TMEM132D: variants seen among roughly 807,000 people sequenced by gnomAD.
The protein encoded by TMEM132D is mature OL transmembrane protein.
In TMEM132D, 21 loss-of-function variants were observed where a neutral mutation model predicts 62.3. The observed-to-expected ratio is 0.34, with a 90% CI of 0.24 to 0.49. The LOEUF (loss-of-function observed/expected upper bound fraction) is 0.49. Ranked by LOEUF, TMEM132D falls within the 20% of genes least tolerant of loss-of-function variation. The probability of loss-of-function intolerance (pLI) is 0.99; values close to 1 mark genes in which losing one functional copy is unlikely to be tolerated. For missense variants in TMEM132D, 1,346 were observed against 1,402.8 expected (o/e 0.96, Z 0.65); for synonymous variants, 621 against 575.6 (o/e 1.08, Z -1.13).
intron 1 of TMEM132D, among the ~76,000 whole-genome samples, chr12:129,704,420 G>T (rs1881454670): frequency 6.6e-6 from 1 of 152,186 alleles, no homozygotes; most frequent in Non-Finnish European, 1.5e-5. Flanking sequence ...CAAGCATAGG[G>T]GGCGCCGCGC....
chr12:129,557,141 ACTT>A (rs1458481913), intron 2 of TMEM132D, among the ~76,000 whole-genome samples: 1 of 152,186 alleles, frequency 6.6e-6, no homozygotes, highest in Non-Finnish European at 1.5e-5. Context: ...ATAGCGGTTT[ACTT>A]TTTTTAGCTT....
At chr12:129,348,527 G>A (rs1368022717) in intron 3 of TMEM132D, among the ~76,000 whole-genome samples, 1 of 152,120 alleles carries the variant, frequency 6.6e-6, no homozygotes, top group Non-Finnish European at 1.5e-5. Context: ...GACACAGGGA[G>A]GGGAACATCA....
chr12:129,274,204 A>G (rs551319207), intron 4 of TMEM132D, among the ~76,000 whole-genome samples: 3 of 152,000 alleles, frequency 2.0e-5, no homozygotes, highest in South Asian at 4.1e-4. Flanking sequence ...TCTCCATCCA[A>G]CAAGGGCAGT....
At chr12:129,150,738 G>A (rs11610314) in intron 5 of TMEM132D, among the ~76,000 whole-genome samples, 44,679 of 152,146 alleles carry the variant, frequency 0.29, 6,923 homozygotes, top group Middle Eastern at 0.38. Context: ...GGCAGGCTAC[G>A]CCTTCAGCCA....
chr12:129,632,862 T>C (rs1879382835), intron 2 of TMEM132D, among the ~76,000 whole-genome samples: 1 of 152,222 alleles, frequency 6.6e-6, no homozygotes, highest in Non-Finnish European at 1.5e-5. Flanking sequence ...GGGTGCCACT[T>C]TGTGACACTT....
At chr12:129,215,641 G>A (rs1271701966) in intron 4 of TMEM132D, among the ~76,000 whole-genome samples, 2 of 152,106 alleles carry the variant, frequency 1.3e-5, no homozygotes, top group Non-Finnish European at 2.9e-5. Flanking sequence ...AAAGACACGT[G>A]GTTTCAGTGT....
intron 2 of TMEM132D, among the ~76,000 whole-genome samples, chr12:129,664,540 T>A (rs1359388324): frequency 6.7e-6 from 1 of 149,570 alleles, no homozygotes; most frequent in East Asian, 2.0e-4. Context: ...TTCTCCTGCC[T>A]CAGCCTCCCA....
At position 129,867,673 on chromosome 12, in the gene TMEM132D, G is replaced by A. The variant is rs1472234693; in HGVS notation, c.79+35588C>T. ...AGGGATAATGTGAACTAGCTTGACC[G>A]TGGTGACAATTTCACAATGTATACA... On this transcript the variant is annotated intron_variant, in intron 1 of 8. Transcript: ENST00000422113. The surrounding 1 kb of genome is among the most constrained non-coding windows in gnomAD (Gnocchi z 4.5). 5.3e-5 allele frequency among the ~76,000 whole-genome samples: 8 copies of A among 152,192 alleles called. No homozygotes were observed. Among genetic ancestry groups the A allele is most frequent in the Non-Finnish European group, 1.0e-4 (7 of 68,040 alleles).
chr12:129,415,072 G>A lies in TMEM132D; in HGVS notation c.1116-77255C>T, dbSNP rs565043553. Among the ~76,000 whole-genome samples, 8 of 152,276 alleles carry A rather than the reference G, an allele frequency of 5.3e-5. No individual in the cohort carries two copies. In the East Asian group the frequency reaches 1.2e-3, roughly 22 times the overall value. The stretch of plus-strand genomic sequence containing the variant: ...TCCTTTATGCATCATCCACTGATGG[G>A]CACCTAAGTTGTTTCCGTATCTTGA... On this transcript the variant is annotated intron_variant, in intron 3 of 8. Coordinates refer to ENST00000422113, the MANE Select transcript of TMEM132D (RefSeq NM_133448.3).
chr12:129,626,553 G>T (rs1565927928), intron 2 of TMEM132D, among the ~76,000 whole-genome samples: 1 of 152,108 alleles, frequency 6.6e-6, no homozygotes, highest in African/African-American at 2.4e-5. Flanking sequence ...TGCTTTCCAG[G>T]TTCAAGCGAT....
At position 129,072,158 on chromosome 12, in the gene TMEM132D, A is replaced by C. The variant is rs1565953750; in HGVS notation, c.*1717T>G. The C allele has an allele frequency of 6.6e-6, 1 of 151,638 alleles. No individual in the cohort carries two copies. Among genetic ancestry groups the C allele is most frequent in the Non-Finnish European group, 1.5e-5 (1 of 68,002 alleles). The allele number at this position is 151,638 out of a possible 1,614,324, so 9.4% of individuals were successfully genotyped here. ...TCAAAATTACAGAGATGAGATGGAG[A>C]GGAAGCAGGGAGAAGATAGGTTCAA... On this transcript the variant is annotated 3_prime_UTR_variant, in exon 9 of 9. Coordinates refer to ENST00000422113, the MANE Select transcript of TMEM132D (RefSeq NM_133448.3).
At chr12:129,783,919 A>T (rs975235545) in intron 1 of TMEM132D, among the ~76,000 whole-genome samples, 3 of 152,210 alleles carry the variant, frequency 2.0e-5, no homozygotes, top group African/African-American at 7.2e-5. Context: ...CTAAACGATC[A>T]TCACATCTTT....
chr12:129,349,695 C>G (rs1457833772), intron 3 of TMEM132D, among the ~76,000 whole-genome samples: 1 of 152,218 alleles, frequency 6.6e-6, no homozygotes, highest in Non-Finnish European at 1.5e-5. Flanking sequence ...GTTATACTCA[C>G]ATGCTCCCAT....
intron 2 of TMEM132D, among the ~76,000 whole-genome samples, chr12:129,664,172 G>A (rs1880314945): frequency 6.6e-6 from 1 of 152,164 alleles, no homozygotes; most frequent in Non-Finnish European, 1.5e-5. Flanking sequence ...ACTCACTAGA[G>A]CAATCTTCAA....
chr12:129,276,270 C>G (rs372008929), intron 4 of TMEM132D, among the ~76,000 whole-genome samples: 1 of 152,300 alleles, frequency 6.6e-6, no homozygotes, highest in East Asian at 1.9e-4. Flanking sequence ...ACGCTTGCCA[C>G]CTAAGGCACC....
intron 4 of TMEM132D, among the ~76,000 whole-genome samples, chr12:129,218,532 C>G (rs8181641): frequency 0.41 from 61,574 of 151,974 alleles, 13,772 homozygotes; most frequent in East Asian, 0.85. Flanking sequence ...ACATAGAAAA[C>G]TGAGAATAAA....
At chr12:129,896,244 C>T (rs931808547) in intron 1 of TMEM132D, among the ~76,000 whole-genome samples, 1 of 151,894 alleles carries the variant, frequency 6.6e-6, no homozygotes, top group Admixed American at 6.6e-5. Context: ...CACCTGGGCC[C>T]CCCAAAGAGC....
intron 5 of TMEM132D, among the ~76,000 whole-genome samples, chr12:129,116,954 C>T (rs950432969): frequency 1.2e-4 from 16 of 128,162 alleles, no homozygotes; most frequent in African/African-American, 3.3e-4. Context: ...AAAATCTGTA[C>T]GTGAATGTTT....
chr12:129,244,410 C>CAA (rs1305354488), intron 4 of TMEM132D, among the ~76,000 whole-genome samples: 7 of 122,242 alleles, frequency 5.7e-5, no homozygotes, highest in Non-Finnish European at 1.2e-4. Flanking sequence ...AAAAAAAAAA[C>CAA]AAACAAAAAG....
Sources: allele counts gnomAD v4.1 joint callset (sites outside exome capture counted in the v4.1 genomes callset), GRCh38; gene constraint gnomAD v4.1.1; non-coding constraint Gnocchi (gnomAD v3.1); transcripts MANE v1.5; gene names NCBI Gene and HGNC (gene_info 2026-07-23, HGNC 2026-07-21).